GRM3: variants seen among roughly 807,000 people sequenced by gnomAD.
GRM3 encodes the protein glutamate metabotropic receptor 3, also known as metabotropic glutamate receptor 3.
Under a neutral mutation model 70.5 loss-of-function variants are expected in GRM3, and 26 were observed. That is an observed-to-expected ratio of 0.37 (90% CI 0.27 to 0.51). GRM3 has a LOEUF of 0.51. Among genes scored for constraint, GRM3 ranks in the 20% least tolerant of loss-of-function variants. The pLI is 0.93. For missense variants in GRM3, 859 were observed against 1,123.8 expected (o/e 0.76, Z 3.37); for synonymous variants, 443 against 434.9 (o/e 1.02, Z -0.23).
At chr7:86,791,574 G>A (rs938988297) in intron 3 of GRM3, among the ~76,000 whole-genome samples, 1 of 152,160 alleles carries the variant, frequency 6.6e-6, no homozygotes, top group African/African-American at 2.4e-5. Context: ...TTAGTAACAG[G>A]GGTGAGGTGA....
At chr7:86,814,069 C>T (rs17608250) in intron 3 of GRM3, among the ~76,000 whole-genome samples, 7,876 of 151,742 alleles carry the variant, frequency 0.052, 303 homozygotes, top group Middle Eastern at 0.12. Context: ...TCTATAAGCA[C>T]GATCAGAAGA....
At chr7:86,741,315 TA>T (rs1013916687) in intron 1 of GRM3, among the ~76,000 whole-genome samples, 5 of 152,136 alleles carry the variant, frequency 3.3e-5, no homozygotes, top group Non-Finnish European at 7.4e-5. Flanking sequence ...CAACTGCTTC[TA>T]AAAAACATTC....
At chr7:86,771,366 T>C (rs1018416923) in intron 2 of GRM3, among the ~76,000 whole-genome samples, 1 of 152,176 alleles carries the variant, frequency 6.6e-6, no homozygotes, top group African/African-American at 2.4e-5. Context: ...GGGATCACTT[T>C]GAAGCAGTAG....
intron 1 of GRM3, among the ~76,000 whole-genome samples, chr7:86,717,131 A>T (rs565907360): frequency 6.3e-4 from 96 of 152,110 alleles, no homozygotes; most frequent in African/African-American, 2.3e-3. Flanking sequence ...CCCATTATAA[A>T]ATGCATCACT....
chr7:86,803,651 T>G (rs1797728532), intron 3 of GRM3, among the ~76,000 whole-genome samples: 1 of 152,196 alleles, frequency 6.6e-6, no homozygotes, highest in African/African-American at 2.4e-5. Flanking sequence ...AGTTTAAGTT[T>G]AAGTCATCCA....
Position 86,644,834 on chromosome 7 carries a change from C to T in GRM3, c.-179C>T, listed in dbSNP as rs1247722051. 3.1e-6 allele frequency: 4 copies of T among 1,289,600 alleles called. No individual in the cohort carries two copies. Among genetic ancestry groups the T allele is most frequent in the South Asian group, 1.2e-5 (1 of 81,026 alleles). The allele number at this position is 1,289,600 out of a possible 1,614,324, so 79.9% of individuals were successfully genotyped here. A position where few individuals can be genotyped will look rare whatever the true frequency, so the allele number is the denominator to read the frequency against. On this transcript the variant is annotated 5_prime_UTR_variant, in exon 1 of 6. Coordinates refer to ENST00000361669, the MANE Select transcript of GRM3 (RefSeq NM_000840.3). Reference sequence around the variant, plus strand: ...AGGCTCACCGCCGCCGCTGCCACCGCGGTCAGCTCCAGTTCCTGCCAGGAG... The same window carrying T: ...AGGCTCACCGCCGCCGCTGCCACCGTGGTCAGCTCCAGTTCCTGCCAGGAG...
At chr7:86,705,465 A>G (rs1260801081) in intron 1 of GRM3, among the ~76,000 whole-genome samples, 1 of 152,040 alleles carries the variant, frequency 6.6e-6, no homozygotes, top group Non-Finnish European at 1.5e-5. Flanking sequence ...TCAAAAAGAC[A>G]TTTTGATGAA....
intron 1 of GRM3, among the ~76,000 whole-genome samples, chr7:86,758,736 A>T (rs1392295426): frequency 1.3e-5 from 2 of 152,152 alleles, no homozygotes; most frequent in African/African-American, 4.8e-5. Context: ...TAAATTCAGA[A>T]GATAAAGAAA....
intron 1 of GRM3, among the ~76,000 whole-genome samples, chr7:86,743,851 A>C (rs1375210031): frequency 6.6e-6 from 1 of 152,160 alleles, no homozygotes; most frequent in Admixed American, 6.6e-5. Context: ...AGTCTGACTC[A>C]AACCACTTCC....
intron 1 of GRM3, among the ~76,000 whole-genome samples, chr7:86,655,405 A>G (rs1177942658): frequency 6.6e-6 from 1 of 152,218 alleles, no homozygotes; most frequent in African/African-American, 2.4e-5. Flanking sequence ...AGGTAGGTAG[A>G]TCAGTAAATT....
chr7:86,644,953 C>A (rs765549817), intron 1 of GRM3, 81 bp downstream of exon 1: 9 of 691,928 alleles, frequency 1.3e-5, no homozygotes, highest in Non-Finnish European at 2.0e-5. Flanking sequence ...GTGGGGCAGG[C>A]GCAGCCGGGA....
At chr7:86,797,379 A>T (rs891200791) in intron 3 of GRM3, among the ~76,000 whole-genome samples, 1 of 152,208 alleles carries the variant, frequency 6.6e-6, no homozygotes, top group Non-Finnish European at 1.5e-5. Context: ...ACTGGAGCAA[A>T]GGCAACTCTT....
chr7:86,708,281 G>C (rs1008274635), intron 1 of GRM3, among the ~76,000 whole-genome samples: 1 of 152,060 alleles, frequency 6.6e-6, no homozygotes, highest in East Asian at 1.9e-4. Context: ...CATGCCCAGT[G>C]GTCTCTATAG....
chr7:86,823,944 T>A (rs1473251686), intron 3 of GRM3, among the ~76,000 whole-genome samples: 3 of 152,242 alleles, frequency 2.0e-5, no homozygotes, highest in South Asian at 4.1e-4. Context: ...ATGGCAGATC[T>A]TCCTTCCCCA....
chr7:86,743,659 A>T (rs1796040156), intron 1 of GRM3, among the ~76,000 whole-genome samples: 1 of 152,140 alleles, frequency 6.6e-6, no homozygotes, highest in Admixed American at 6.6e-5. Context: ...TGATTGAAAT[A>T]AAAAAGTTTC....
chr7:86,651,336 G>C lies in GRM3; in HGVS notation c.-141+6464G>C, dbSNP rs951414648. ...CAGATCGCCCCTCCATCTGGTGGAGGCTGTTTCTTTTGATTGTTAATAATA... is the reference window on the plus strand; with the variant it reads ...CAGATCGCCCCTCCATCTGGTGGAGCCTGTTTCTTTTGATTGTTAATAATA... On this transcript the variant is annotated intron_variant, in intron 1 of 5. Transcript: ENST00000361669. 3.3e-5 allele frequency among the ~76,000 whole-genome samples: 5 copies of C among 152,242 alleles called. No individual in the cohort carries two copies. In the South Asian group the frequency reaches 6.2e-4, roughly 19 times the overall value.
At chr7:86,774,401 G>A (rs888120993) in intron 2 of GRM3, among the ~76,000 whole-genome samples, 3 of 152,052 alleles carry the variant, frequency 2.0e-5, no homozygotes, top group Admixed American at 6.6e-5. Context: ...CCTCCAGGAG[G>A]TTTATCAGTG....
intron 1 of GRM3, among the ~76,000 whole-genome samples, chr7:86,755,753 G>A (rs908254558): frequency 6.6e-6 from 1 of 152,092 alleles, no homozygotes; most frequent in African/African-American, 2.4e-5. Context: ...TTAGTAGAAG[G>A]CTCTAGAATG....
At chr7:86,762,450 C>T (rs1796502553) in intron 1 of GRM3, among the ~76,000 whole-genome samples, 1 of 152,042 alleles carries the variant, frequency 6.6e-6, no homozygotes, top group African/African-American at 2.4e-5. Context: ...TTTTAAAGGG[C>T]ACTGCTAATA....
Sources: allele counts gnomAD v4.1 joint callset (sites outside exome capture counted in the v4.1 genomes callset), GRCh38; gene constraint gnomAD v4.1.1; transcripts MANE v1.5; gene names NCBI Gene and HGNC (gene_info 2026-07-23, HGNC 2026-07-21).